BIRC6: variants seen among roughly 807,000 people sequenced by gnomAD.
BIRC6 encodes the protein baculoviral IAP repeat containing 6, also known as dual E2 ubiquitin-conjugating enzyme/E3 ubiquitin-protein ligase BIRC6.
Under a neutral mutation model 503.3 loss-of-function variants are expected in BIRC6, and 98 were observed. The ratio of observed to expected loss-of-function variants is 0.19; its 90% CI spans 0.17 to 0.23. The LOEUF (loss-of-function observed/expected upper bound fraction) is 0.23. Ranked by LOEUF, BIRC6 falls within the 10% of genes least tolerant of loss-of-function variation. BIRC6 has a pLI of 1.00. For missense variants in BIRC6, 5,360 were observed against 5,806.0 expected, an observed-to-expected ratio of 0.92 and a Z score of 2.50; for synonymous variants, 2,240 against 2,078.7, an observed-to-expected ratio of 1.08 and a Z score of -2.11.
Position 32,445,654 on chromosome 2 carries a change from T to A in BIRC6, c.4470T>A (p.Ala1490=). ...AGGACAGGCTAACACCAATGGAGGC[T>A]TTACTTCAGACAAGGTATTTTAGTA... is the stretch of plus-strand genomic sequence containing the variant. ...QLQDRLTPME[A]LLQTRYGLYS... Residue 1490 remains alanine (A), a synonymous_variant, in exon 21 of 74, where the codon GCT becomes GCA. Coordinates refer to ENST00000421745, the MANE Select transcript of BIRC6 (RefSeq NM_016252.4). The A allele has an allele frequency of 6.4e-7, 1 of 1,553,702 alleles. No homozygotes were observed. Among genetic ancestry groups the A allele is most frequent in the Non-Finnish European group, 8.7e-7 (1 of 1,148,674 alleles).
intron 6 of BIRC6, among the ~76,000 whole-genome samples, chr2:32,397,632 A>G (rs190726648): frequency 2.9e-5 from 4 of 138,262 alleles, no homozygotes; most frequent in Non-Finnish European, 3.1e-5. Flanking sequence ...ATATATATGT[A>G]TATATATACA....
At chr2:32,525,728 TTGA>T in intron 59 of BIRC6, 100 bp downstream of exon 59, 1 of 1,202,222 alleles carries the variant, frequency 8.3e-7, no homozygotes, top group Non-Finnish European at 1.2e-6. Flanking sequence ...TCAGGTGCCA[TTGA>T]TGAGATCAGT....
At chr2:32,616,434 C>A (rs951712167) in intron 73 of BIRC6, among the ~76,000 whole-genome samples, 1 of 151,878 alleles carries the variant, frequency 6.6e-6, no homozygotes, top group Non-Finnish European at 1.5e-5. Flanking sequence ...GTGGTGCATG[C>A]CTGTAATAGC....
rs151048144 is a variant in BIRC6, at chr2:32,451,473, A to G, written c.4619-2335A>G. Among the ~76,000 whole-genome samples the G allele has an allele frequency of 1.3e-5, 2 of 152,194 alleles. 1 individual carries two copies. The highest frequency in any genetic ancestry group is 4.1e-4 in the South Asian group (2 of 4,836). On this transcript the variant is annotated intron_variant, in intron 22 of 73. Transcript: ENST00000421745. ...ATCGATTGTGAAAAAGCATGGTGTT[A>G]TTCACTGTGCACTTGTAATAAAAAT...
intron 61 of BIRC6, 136 bp downstream of exon 61, chr2:32,531,687 C>T (rs2056765667): frequency 1.0e-5 from 8 of 774,196 alleles, no homozygotes; most frequent in Non-Finnish European, 1.6e-5. Context: ...CATTATATAA[C>T]TCTTTCAATG....
intron 10 of BIRC6, among the ~76,000 whole-genome samples, chr2:32,417,589 G>C (rs1056586993): frequency 6.6e-6 from 1 of 152,190 alleles, no homozygotes; most frequent in Non-Finnish European, 1.5e-5. Flanking sequence ...CTAAGTGACT[G>C]TAACTAAGGC....
At chr2:32,473,373 T>G in intron 33 of BIRC6, 134 bp downstream of exon 33, 1 of 686,438 alleles carries the variant, frequency 1.5e-6, no homozygotes, top group Non-Finnish European at 2.3e-6. Context: ...TCTAACACTT[T>G]GGAGACTTCA....
At position 32,478,739 on chromosome 2, in the gene BIRC6, C is replaced by G; in HGVS notation, c.7173C>G (p.Asp2391Glu). The G allele has an allele frequency of 6.2e-7, 1 of 1,613,906 alleles. No homozygotes were observed. Among genetic ancestry groups the G allele is most frequent in the Non-Finnish European group, 8.5e-7 (1 of 1,179,852 alleles). Residue 2391 changes from aspartate (D) to glutamate (E), a missense_variant, in exon 36 of 74, where the codon GAC becomes GAG. By Grantham distance (45) the Asp-to-Glu change is conservative. Coordinates refer to ENST00000421745, the MANE Select transcript of BIRC6 (RefSeq NM_016252.4). ...TGCTGTTACTTTTGGTTGGAACTGA[C>G]TTCAATAGAGGAGATATATCTTGGG... Reference protein sequence around the residue: ...ERLLLLLVGTDFNRGDISWGG... With the variant: ...ERLLLLLVGTEFNRGDISWGG...
chr2:32,368,475 G>A (rs1390524787), intron 1 of BIRC6, among the ~76,000 whole-genome samples: 1 of 152,030 alleles, frequency 6.6e-6, no homozygotes, highest in Admixed American at 6.5e-5. Context: ...AGGCGGCAGA[G>A]GTTGCAGTGA....
chr2:32,588,160 C>T (rs766788909), intron 66 of BIRC6, among the ~76,000 whole-genome samples: 5 of 152,090 alleles, frequency 3.3e-5, no homozygotes, highest in Non-Finnish European at 5.9e-5. Flanking sequence ...TCAAGACCAG[C>T]CTGGCCAACA....
At chr2:32,525,166 T>C (rs1038307030) in intron 58 of BIRC6, 147 bp downstream of exon 58, 11 of 807,010 alleles carry the variant, frequency 1.4e-5, no homozygotes, top group Admixed American at 3.7e-5. Flanking sequence ...TTTATCTTTT[T>C]ATTTTTATTT....
chr2:32,604,885 C>CT (rs1171951207), intron 71 of BIRC6, among the ~76,000 whole-genome samples: 1 of 141,208 alleles, frequency 7.1e-6, no homozygotes, highest in Non-Finnish European at 1.5e-5. Flanking sequence ...TTTTCTTTTT[C>CT]TTTTCTTTTC....
intron 26 of BIRC6, 148 bp from the exon 27 acceptor site, chr2:32,467,377 A>C: frequency 3.0e-6 from 2 of 670,886 alleles, no homozygotes; most frequent in Non-Finnish European, 2.5e-6. Flanking sequence ...TCAATTGACA[A>C]GGCCATTTTT....
chr2:32,539,806 C>T (rs2057518631), intron 61 of BIRC6, among the ~76,000 whole-genome samples: 1 of 151,662 alleles, frequency 6.6e-6, no homozygotes, highest in African/African-American at 2.4e-5. Context: ...ACAGTAAGAG[C>T]CAGAATCAAT....
intron 15 of BIRC6, 35 bp from the exon 16 acceptor site, chr2:32,439,473 T>G: frequency 6.4e-7 from 1 of 1,570,360 alleles, no homozygotes; most frequent in Non-Finnish European, 8.7e-7. Context: ...TATTGGTGAT[T>G]CAGTTATTTT....
chr2:32,575,158 C>T lies in BIRC6; in HGVS notation c.13147C>T (p.Leu4383=). Residue 4383 remains leucine, a splice_region_variant and synonymous_variant, in exon 66 of 74, where the codon CTG becomes TTG. Transcript: ENST00000421745. ...MSSYLRNDSV[L]DMARHVPLYR... is the part of the protein sequence containing the mutation. ...GCTTTTTCTTCTTCTCCTTATAGTT[C>T]TGGACATGGCAAGACATGTGCCACT... 1 of 1,613,826 alleles carries T rather than the reference C, an allele frequency of 6.2e-7. No individual in the cohort carries two copies. Among genetic ancestry groups the T allele is most frequent in the Non-Finnish European group, 8.5e-7 (1 of 1,179,802 alleles).
rs13030055 is a variant in BIRC6, at chr2:32,508,277, T to C, written c.9980+18T>C. ...AAAACAAGGTATGTTTTGTTTGTCC[T>C]TTTTTTTTTTTTTTTTTTTTTTTTT... On this transcript the variant is annotated intron_variant, in intron 51 of 73. Coordinates refer to ENST00000421745, the MANE Select transcript of BIRC6 (RefSeq NM_016252.4). The C allele has an allele frequency of 2.1e-5, 4 of 190,686 alleles. No individual in the cohort carries two copies. The highest frequency in any genetic ancestry group is 2.5e-4 in the East Asian group (1 of 3,970). The allele number at this position is 190,686 out of a possible 1,614,324, so 11.8% of individuals were successfully genotyped here.
At chr2:32,478,907 A>C in intron 36 of BIRC6, 89 bp downstream of exon 36, 1 of 1,304,828 alleles carries the variant, frequency 7.7e-7, no homozygotes, top group African/African-American at 1.5e-5. Flanking sequence ...TAACCCCTAG[A>C]GGGATCTTTA....
chr2:32,441,429 G>A lies in BIRC6; in HGVS notation c.3911G>A (p.Arg1304Gln). ...CTTCAAGAGGTCTCAGTCACCATTC[G>A]AAGATTTAAGAAAACCTCAATTTCT... is the stretch of plus-strand genomic sequence containing the variant. ...DLLQEVSVTI[R>Q]RFKKTSISKE... The change falls in exon 17 of 74, where the codon CGA (arginine) becomes CAA (glutamine). Residue 1304 changes from arginine (R) to glutamine (Q), a missense_variant. Transcript: ENST00000421745. 1 of 1,609,802 alleles carries A rather than the reference G, an allele frequency of 6.2e-7. No homozygotes were observed. Among genetic ancestry groups the A allele is most frequent in the Non-Finnish European group, 8.5e-7 (1 of 1,177,336 alleles).
Sources: allele counts gnomAD v4.1 joint callset (sites outside exome capture counted in the v4.1 genomes callset), GRCh38; gene constraint gnomAD v4.1.1; transcripts MANE v1.5; gene names NCBI Gene and HGNC (gene_info 2026-07-23, HGNC 2026-07-21).